TLE2: variants seen among roughly 807,000 people sequenced by gnomAD.
The protein encoded by TLE2 is TLE family member 2, transcriptional corepressor, also known as transducin-like enhancer protein 2.
A neutral mutation model predicts 97.2 loss-of-function variants in TLE2; 74 were observed. The ratio of observed to expected loss-of-function variants is 0.76; its 90% CI spans 0.63 to 0.92. TLE2 has a LOEUF of 0.92. Ranked by LOEUF, TLE2 falls within the 40% of genes least tolerant of loss-of-function variation. TLE2 has a pLI of 0.00. For missense variants in TLE2, 1,038 were observed against 1,008.7 expected, an observed-to-expected ratio of 1.03 and a Z score of -0.39; for synonymous variants, 499 against 432.1, an observed-to-expected ratio of 1.15 and a Z score of -1.92.
chr19:3,015,885 T>C, intron 8 of TLE2, 125 bp from the exon 9 acceptor site: 1 of 738,610 alleles, frequency 1.4e-6, no homozygotes, highest in East Asian at 2.7e-5. Flanking sequence ...GCTTCCCATC[T>C]GGGAAATGGG....
chr19:3,021,771 C>G (rs112798879), intron 5 of TLE2, among the ~76,000 whole-genome samples: 3 of 151,862 alleles, frequency 2.0e-5, no homozygotes, highest in African/African-American at 4.8e-5. Context: ...TTAGTAGAGA[C>G]GGGGTTTCAC....
chr19:3,011,091 G>A lies in TLE2; in HGVS notation c.943C>T (p.Pro315Ser), dbSNP rs1163886223. 2 of 1,611,086 alleles carry A rather than the reference G, an allele frequency of 1.2e-6. No individual in the cohort carries two copies. Among genetic ancestry groups the A allele is most frequent in the Non-Finnish European group, 1.7e-6 (2 of 1,179,258 alleles). The change falls in exon 12 of 20, where the codon CCC becomes TCC. Residue 315 changes from proline to serine, a missense_variant. Physicochemically the swap from Pro to Ser is moderately conservative, Grantham distance 74. Transcript: ENST00000262953. ...DSSPPQDAST[P>S]GPSSASHLCQ... ...AGGTGACTGGCCGAGCTGGGCCCGG[G>A]GGTGGAAGCGTCCTGGGGCGGGGAG...
At chr19:3,020,004 CG>C (rs2089804357) in intron 5 of TLE2, 1 of 600,978 alleles carries the variant, frequency 1.7e-6, no homozygotes, top group African/African-American at 1.9e-5. Context: ...CAAATCAGGC[CG>C]GGCATGGTGG....
chr19:3,039,024 C>T (rs975811885), intron 1 of TLE2, among the ~76,000 whole-genome samples: 6 of 129,504 alleles, frequency 4.6e-5, no homozygotes, highest in African/African-American at 1.9e-4. Flanking sequence ...GCCTGGGCAA[C>T]AAGAGCAAAA....
rs559491043 is a variant in TLE2 at position 3,015,742 on chromosome 19, G to A, written c.589C>T (p.Pro197Ser). The stretch of plus-strand genomic sequence containing the variant: ...CGCTCCTCCTCCACGAGACTCTCAG[G>A]GGGCGAGGGAGATGCACTCTGCGGA... ...APSRSASPSP[P>S]ESLVEEERPS... Residue 197 changes from proline (P) to serine (S), a missense_variant, in exon 9 of 20, where the codon CCT becomes TCT. Pro to Ser is a moderately conservative substitution (Grantham distance 74, BLOSUM62 -1). Coordinates refer to ENST00000262953, the MANE Select transcript of TLE2 (RefSeq NM_003260.5). 3 of 1,609,912 alleles carry A rather than the reference G, an allele frequency of 1.9e-6. No individual in the cohort carries two copies. Among genetic ancestry groups the A allele is most frequent in the East Asian group, 2.2e-5 (1 of 44,738 alleles).
chr19:3,030,650 G>A (rs907796815), upstream of TLE2, among the ~76,000 whole-genome samples: 1 of 152,112 alleles, frequency 6.6e-6, no homozygotes, highest in African/African-American at 2.4e-5. Flanking sequence ...TGGGCCAGGG[G>A]TGGTGGGTCA....
At chr19:3,046,841 C>G (rs1026107107), upstream of TLE2, among the ~76,000 whole-genome samples, 1 of 151,278 alleles carries the variant, frequency 6.6e-6, no homozygotes, top group Non-Finnish European at 1.5e-5. Flanking sequence ...ATGGGCCCAC[C>G]CCAGTCCTCT....
intron 14 of TLE2, 74 bp downstream of exon 14, chr19:3,008,795 C>A: frequency 1.6e-6 from 2 of 1,266,566 alleles, no homozygotes; most frequent in Non-Finnish European, 2.1e-6. Context: ...ACCCCAACCA[C>A]AGAGGGTAAG....
chr19:3,022,031 C>G (rs928175271), intron 5 of TLE2, among the ~76,000 whole-genome samples: 3 of 151,942 alleles, frequency 2.0e-5, no homozygotes, highest in Non-Finnish European at 4.4e-5. Flanking sequence ...CATGGTGAGA[C>G]TCCCTCTCTG....
intron 4 of TLE2, 24 bp from the exon 5 acceptor site, chr19:3,025,106 G>T (rs1278389924): frequency 1.1e-5 from 18 of 1,592,296 alleles, no homozygotes; most frequent in Non-Finnish European, 1.4e-5. Flanking sequence ...ATGAGAGGAA[G>T]CTTGGAGCGG....
rs1482477889 is a variant in TLE2, at chr19:3,002,018, G to A, written c.2047+335C>T. On this transcript the variant is annotated intron_variant, in intron 18 of 19. Coordinates refer to ENST00000262953, the MANE Select transcript of TLE2 (RefSeq NM_003260.5). ...TCACCATGTTGGCCAGGCTTGTCTC[G>A]AACTCCTGACCTCAGGTGATCTGCC... is the stretch of plus-strand genomic sequence containing the variant. Among the ~76,000 whole-genome samples the A allele has an allele frequency of 3.3e-5, 5 of 151,842 alleles. No individual in the cohort carries two copies. In the South Asian group the frequency reaches 6.2e-4, roughly 19 times the overall value.
chr19:3,024,983 C>T, intron 5 of TLE2, 37 bp downstream of exon 5: 3 of 1,539,224 alleles, frequency 1.9e-6, no homozygotes, highest in Non-Finnish European at 2.6e-6. Context: ...TCTTCCGGCT[C>T]CCTTCCCCTC....
chr19:3,002,422 G>T lies in TLE2; in HGVS notation c.1978C>A (p.Arg660Ser). The change falls in exon 18 of 20, where the codon CGC (arginine) becomes AGC (serine). Residue 660 changes from arginine (R) to serine (S), a missense_variant. Transcript: ENST00000262953. ...TGCAGCTGGTATTTCTCCGGCTTGC[G>T]GACGTGCAGGATCTCCACGTTGCTA... ...ESSNVEILHVRKPEKYQLHLH... is the reference protein window; with the variant it reads ...ESSNVEILHVSKPEKYQLHLH... 6.2e-7 allele frequency: 1 copy of T among 1,613,214 alleles called. No homozygotes were observed. The highest frequency in any genetic ancestry group is 1.3e-5 in the African/African-American group (1 of 74,996).
chr19:3,028,286 C>G (rs747406903), intron 3 of TLE2, 33 bp downstream of exon 3: 1 of 1,592,882 alleles, frequency 6.3e-7, no homozygotes, highest in Non-Finnish European at 8.6e-7. Flanking sequence ...CTGCCCGCCT[C>G]TCCCCTCACC....
intron 19 of TLE2, among the ~76,000 whole-genome samples, chr19:2,998,237 A>G (rs796384359): frequency 2.2e-4 from 27 of 121,406 alleles, no homozygotes; most frequent in African/African-American, 6.0e-4. Context: ...CGCCCGGCCA[A>G]TGTGTGTGTG....
intron 5 of TLE2, among the ~76,000 whole-genome samples, chr19:3,021,704 T>C (rs967248482): frequency 1.3e-5 from 2 of 151,854 alleles, no homozygotes; most frequent in African/African-American, 4.8e-5. Context: ...TGCCTCAGCC[T>C]CCCAAGTAGG....
chr19:3,036,955 T>C (rs1018704361), intron 1 of TLE2, among the ~76,000 whole-genome samples: 7 of 152,134 alleles, frequency 4.6e-5, no homozygotes, highest in Admixed American at 3.3e-4. Flanking sequence ...CATTGGGAAG[T>C]TGGGATAGCT....
At chr19:3,041,973 C>A (rs2090106605) in intron 1 of TLE2, among the ~76,000 whole-genome samples, 1 of 151,972 alleles carries the variant, frequency 6.6e-6, no homozygotes, top group African/African-American at 2.4e-5. Context: ...GGTCGCCCGC[C>A]CCCTCCTCCC....
chr19:3,019,889 ATTTCTCT>A lies in TLE2; in HGVS notation c.295-123_295-117del. 1.5e-6 allele frequency: 2 copies of A among 1,332,040 alleles called. No individual in the cohort carries two copies. Among genetic ancestry groups the A allele is most frequent in the Non-Finnish European group, 1.0e-6 (1 of 979,428 alleles). 82.5% of individuals were successfully genotyped at this position (1,332,040 alleles called of 1,614,324 possible). ...TCTCATCTTTGCCCCGGTACTTCCCATTTCTCTTTTATCTTTTTCCCTCTCACTCTCT... is the reference window on the plus strand; with the variant it reads ...TCTCATCTTTGCCCCGGTACTTCCCATTTATCTTTTTCCCTCTCACTCTCT... On this transcript the variant is annotated intron_variant, in intron 5 of 19. Coordinates refer to ENST00000262953, the MANE Select transcript of TLE2 (RefSeq NM_003260.5). The surrounding 1 kb of genome is among the most constrained non-coding windows in gnomAD (Gnocchi z 5.1).
Sources: allele counts gnomAD v4.1 joint callset (sites outside exome capture counted in the v4.1 genomes callset), GRCh38; gene constraint gnomAD v4.1.1; non-coding constraint Gnocchi (gnomAD v3.1); transcripts MANE v1.5; gene names NCBI Gene and HGNC (gene_info 2026-07-23, HGNC 2026-07-21).